Variants in PLXDC2 observed in about 807,000 individuals in gnomAD.
PLXDC2 encodes plexin domain-containing protein 2.
A neutral mutation model predicts 68.9 loss-of-function variants in PLXDC2; 40 were observed. The observed-to-expected ratio is 0.58, with a 90% CI of 0.45 to 0.76. The LOEUF is 0.76. Ranked by LOEUF, PLXDC2 falls within the 30% of genes least tolerant of loss-of-function variation. The pLI, the probability that PLXDC2 is intolerant of heterozygous loss-of-function variation, is 0.00. For missense variants in PLXDC2, 644 were observed against 661.9 expected, an observed-to-expected ratio of 0.97 and a Z score of 0.30; for synonymous variants, 243 against 234.2, an observed-to-expected ratio of 1.04 and a Z score of -0.34.
At chr10:20,183,335 A>G (rs983450203) in intron 9 of PLXDC2, among the ~76,000 whole-genome samples, 59 of 151,928 alleles carry the variant, frequency 3.9e-4, no homozygotes, top group African/African-American at 1.4e-3. Context: ...GGTTTCAGAA[A>G]CTGACCTTGT....
chr10:20,136,330 C>T (rs983989811), intron 4 of PLXDC2, among the ~76,000 whole-genome samples: 9 of 152,138 alleles, frequency 5.9e-5, no homozygotes, highest in Non-Finnish European at 1.0e-4. Context: ...TGCTGCCACA[C>T]ATGGTTTTGT....
chr10:19,817,051 G>C lies in PLXDC2; in HGVS notation c.-29G>C, dbSNP rs764503115. 1.4e-6 allele frequency: 2 copies of C among 1,471,158 alleles called. No homozygotes were observed. The highest frequency in any genetic ancestry group is 2.1e-5 in the Admixed American group (1 of 48,112). 91.1% of individuals were successfully genotyped at this position (1,471,158 alleles called of 1,614,324 possible). A position where few individuals can be genotyped will look rare whatever the true frequency, so the allele number is the denominator to read the frequency against. ...CCCCGAGCACCGGCGAAGGACTGGC[G>C]GGTGGGGTAGGGAGGTGGCGGCGGC... is the stretch of plus-strand genomic sequence containing the variant. On this transcript the variant is annotated 5_prime_UTR_variant, in exon 1 of 14. Transcript: ENST00000377252.
At chr10:20,251,202 G>A (rs900719247) in intron 13 of PLXDC2, among the ~76,000 whole-genome samples, 1 of 151,980 alleles carries the variant, frequency 6.6e-6, no homozygotes, top group African/African-American at 2.4e-5. Context: ...ATCTTAGACT[G>A]GGCAGTTTCT....
intron 1 of PLXDC2, among the ~76,000 whole-genome samples, chr10:19,888,635 A>G (rs1377032914): frequency 6.6e-6 from 1 of 152,168 alleles, no homozygotes; most frequent in Non-Finnish European, 1.5e-5. Context: ...GGCAGATGAA[A>G]CAGAGACAAG....
chr10:20,115,765 C>T (rs1236716029), intron 4 of PLXDC2, among the ~76,000 whole-genome samples: 4 of 152,068 alleles, frequency 2.6e-5, no homozygotes, highest in Non-Finnish European at 2.9e-5. Flanking sequence ...TATTTTAGTA[C>T]GATTGAGTGT....
chr10:20,054,578 T>C (rs542741260), intron 3 of PLXDC2, among the ~76,000 whole-genome samples: 3 of 152,168 alleles, frequency 2.0e-5, no homozygotes, highest in African/African-American at 7.2e-5. Flanking sequence ...CTGGAAACCA[T>C]CGTTCTCAGC....
intron 1 of PLXDC2, among the ~76,000 whole-genome samples, chr10:19,856,440 T>G (rs1837216241): frequency 6.6e-6 from 1 of 151,344 alleles, no homozygotes; most frequent in Non-Finnish European, 1.5e-5. Flanking sequence ...CTCCTTATAA[T>G]AAACTTGGTT....
chr10:19,872,976 T>C (rs1465000797), intron 1 of PLXDC2, among the ~76,000 whole-genome samples: 1 of 152,174 alleles, frequency 6.6e-6, no homozygotes, highest in Non-Finnish European at 1.5e-5. Flanking sequence ...TTCAAATGAT[T>C]ACAAAACTCC....
intron 2 of PLXDC2, among the ~76,000 whole-genome samples, chr10:20,026,164 T>C (rs1156982079): frequency 1.7e-5 from 2 of 119,440 alleles, no homozygotes; most frequent in African/African-American, 5.1e-5. Context: ...TTATTAAGGT[T>C]TAATTAAACT....
At chr10:19,824,991 T>A (rs1246394560) in intron 1 of PLXDC2, among the ~76,000 whole-genome samples, 1 of 152,136 alleles carries the variant, frequency 6.6e-6, no homozygotes, top group African/African-American at 2.4e-5. Flanking sequence ...TCCAGACTTT[T>A]AAATCTCTTC....
rs1401949466 is a variant in PLXDC2, at chr10:20,280,451, A to T, written c.*632A>T. 1 of 152,256 alleles carries T rather than the reference A, an allele frequency of 6.6e-6. No individual in the cohort carries two copies. Among genetic ancestry groups the T allele is most frequent in the East Asian group, 1.9e-4 (1 of 5,198 alleles). The allele number at this position is 152,256 out of a possible 1,614,324, so 9.4% of individuals were successfully genotyped here. A position where few individuals can be genotyped will look rare whatever the true frequency, so the allele number is the denominator to read the frequency against. ...ACAGAACGAATCTTTTTATCCGTAC[A>T]GGAGGTTCAAACCATGTCTGCCTCT... On this transcript the variant is annotated 3_prime_UTR_variant, in exon 14 of 14. Coordinates refer to ENST00000377252, the MANE Select transcript of PLXDC2 (RefSeq NM_032812.9).
At chr10:19,948,942 C>A (rs1247178827) in intron 1 of PLXDC2, among the ~76,000 whole-genome samples, 1 of 151,522 alleles carries the variant, frequency 6.6e-6, no homozygotes, top group African/African-American at 2.4e-5. Flanking sequence ...TCGTCCTAGC[C>A]AACATGGTGA....
intron 10 of PLXDC2, 94 bp from the exon 11 acceptor site, chr10:20,217,332 G>A: frequency 4.6e-6 from 5 of 1,097,394 alleles, no homozygotes; most frequent in Non-Finnish European, 6.3e-6. Context: ...GATATGAGAG[G>A]CTTTTGTGCT....
intron 13 of PLXDC2, among the ~76,000 whole-genome samples, chr10:20,258,824 G>A (rs568443448): frequency 7.2e-5 from 11 of 152,028 alleles, no homozygotes; most frequent in Admixed American, 1.3e-4. Context: ...TGGCTAACAC[G>A]GTGAAACCCC....
At position 20,125,510 on chromosome 10, in the gene PLXDC2, G is replaced by A. The variant is rs552785637; in HGVS notation, c.542-17785G>A. On this transcript the variant is annotated intron_variant, in intron 4 of 13. Coordinates refer to ENST00000377252, the MANE Select transcript of PLXDC2 (RefSeq NM_032812.9). The stretch of plus-strand genomic sequence containing the variant: ...CTACTAAAACATCTGAGAAAATGTA[G>A]GCACGATCACAACTCTGAGATTGCA... Among the ~76,000 whole-genome samples the A allele has an allele frequency of 4.6e-5, 7 of 152,170 alleles. No individual in the cohort carries two copies. The South Asian group carries it at 1.5e-3, about 32-fold the overall frequency.
intron 1 of PLXDC2, among the ~76,000 whole-genome samples, chr10:19,940,829 T>C (rs1833807585): frequency 6.6e-6 from 1 of 152,148 alleles, no homozygotes. Flanking sequence ...CTTGTAAATG[T>C]TGGATATTCC....
At chr10:19,922,255 A>G (rs1833472767) in intron 1 of PLXDC2, among the ~76,000 whole-genome samples, 1 of 152,214 alleles carries the variant, frequency 6.6e-6, no homozygotes, top group African/African-American at 2.4e-5. Context: ...AGCTAGACAT[A>G]TGCCTCTGCC....
intron 1 of PLXDC2, among the ~76,000 whole-genome samples, chr10:19,933,599 C>T (rs1022223030): frequency 1.3e-5 from 2 of 151,966 alleles, no homozygotes; most frequent in African/African-American, 4.8e-5. Flanking sequence ...AGCCACTGAC[C>T]TCCAGTCTGG....
At chr10:19,917,558 A>G (rs998814661) in intron 1 of PLXDC2, among the ~76,000 whole-genome samples, 16 of 152,184 alleles carry the variant, frequency 1.1e-4, no homozygotes, top group Admixed American at 9.2e-4. Context: ...CTTTTCAGCA[A>G]TGAAAGGGAA....
Sources: allele counts gnomAD v4.1 joint callset (sites outside exome capture counted in the v4.1 genomes callset), GRCh38; gene constraint gnomAD v4.1.1; transcripts MANE v1.5; gene names NCBI Gene and HGNC (gene_info 2026-07-23, HGNC 2026-07-21).